The following GPR19 variants were observed in gnomAD, a reference collection of about 807,000 sequenced individuals.
GPR19 encodes the protein probable G protein-coupled receptor 19.
In GPR19, 14 loss-of-function variants were observed where a neutral mutation model predicts 28.5. That is an observed-to-expected ratio of 0.49 (90% CI 0.32 to 0.77). The LOEUF (loss-of-function observed/expected upper bound fraction) is 0.77, where lower values mean the gene tolerates loss of function less well. GPR19 is among the 30% of genes least tolerant of loss of function. The probability of loss-of-function intolerance (pLI) is 0.03; values close to 1 mark genes in which losing one functional copy is unlikely to be tolerated. For missense variants in GPR19, 409 were observed against 504.1 expected (o/e 0.81, Z 1.81); for synonymous variants, 173 against 184.1 (o/e 0.94, Z 0.49).
chr12:12,703,586 CTTCTTACTGTACTTCCTAG>C, the GPR19 span: 7 of 174,964 alleles, frequency 4.0e-5, no homozygotes, highest in Admixed American at 4.6e-4. Flanking sequence ...TGTCTGTTTT[CTTCTTACTGTACTTCCTAG>C]TTCTTACTGT....
chr12:12,679,882 T>A lies in GPR19; in HGVS notation c.-23+4469A>T, dbSNP rs544844395. Among the ~76,000 whole-genome samples, 5 of 152,228 alleles carry A rather than the reference T, an allele frequency of 3.3e-5. No individual in the cohort carries two copies. In the East Asian group the frequency reaches 9.6e-4, roughly 29 times the overall value. ...TCTTCAACAATAAAATTAGAATAAA[T>A]AATAACAATACTCACTTTATTGATT... On this transcript the variant is annotated intron_variant, in intron 3 of 3. Coordinates refer to ENST00000651487, the MANE Select transcript of GPR19 (RefSeq NM_006143.3).
At chr12:12,709,594 C>CT in the GPR19 span, among the ~76,000 whole-genome samples, 8 of 152,210 alleles carry the variant, frequency 5.3e-5, no homozygotes, top group South Asian at 1.7e-3. Flanking sequence ...CACATGCCAC[C>CT]ACACCTGGTT....
intron 3 of GPR19, among the ~76,000 whole-genome samples, chr12:12,672,212 T>C (rs1346167846): frequency 6.6e-6 from 1 of 152,184 alleles, no homozygotes; most frequent in Admixed American, 6.5e-5. Context: ...CCTAATTCCT[T>C]GTAAACAATG....
upstream of GPR19, among the ~76,000 whole-genome samples, chr12:12,698,788 T>C (rs911373153): frequency 1.3e-5 from 2 of 151,888 alleles, no homozygotes; most frequent in African/African-American, 2.4e-5. Flanking sequence ...TTTTTTGTAT[T>C]TTTAGTACAG....
At chr12:12,690,462 G>A (rs561232154) in intron 2 of GPR19, among the ~76,000 whole-genome samples, 7 of 152,286 alleles carry the variant, frequency 4.6e-5, no homozygotes, top group Admixed American at 3.3e-4. Flanking sequence ...GCAGCCAGAC[G>A]TTAGATTAGA....
the GPR19 span, among the ~76,000 whole-genome samples, chr12:12,702,411 CTG>C: frequency 6.6e-6 from 1 of 152,110 alleles, no homozygotes; most frequent in African/African-American, 2.4e-5. Flanking sequence ...ACAGAATACT[CTG>C]TAAAATAGTG....
intron 2 of GPR19, among the ~76,000 whole-genome samples, chr12:12,692,970 C>T (rs933869205): frequency 6.6e-6 from 1 of 152,214 alleles, no homozygotes; most frequent in Non-Finnish European, 1.5e-5. Context: ...CAGGTAACTT[C>T]ATGTGGCAAA....
At chr12:12,669,891 A>T (rs1445987783) in intron 3 of GPR19, among the ~76,000 whole-genome samples, 1 of 152,102 alleles carries the variant, frequency 6.6e-6, no homozygotes, top group Non-Finnish European at 1.5e-5. Context: ...ACTCTGGTGT[A>T]TGTGTGCTTG....
At position 12,661,509 on chromosome 12, in the gene GPR19, C is replaced by T; in HGVS notation, c.940G>A (p.Ala314Thr). ...GAACTAAAGGATATCCATGTGATAG[C>T]TGTGAAAACAAGGGAACTTTTCTTA... is the stretch of plus-strand genomic sequence containing the variant. ...DYKKSSLVFTAITWISFSSSA... is the reference protein window; with the variant it reads ...DYKKSSLVFTTITWISFSSSA... The change falls in exon 4 of 4, where the codon GCT becomes ACT. Residue 314 changes from alanine (A) to threonine (T), a missense_variant. Physicochemically the swap from Ala to Thr is moderately conservative, Grantham distance 58 (BLOSUM62 0). Transcript: ENST00000651487. This position sits in a 1 kb window ranked among gnomAD's most constrained non-coding sequence, Gnocchi z 4.2. 1 of 1,613,348 alleles carries T rather than the reference C, an allele frequency of 6.2e-7. No homozygotes were observed. The highest frequency in any genetic ancestry group is 2.2e-5 in the East Asian group (1 of 44,870).
upstream of GPR19, among the ~76,000 whole-genome samples, chr12:12,697,152 G>GGAAAAAAAAAAA (rs1565413527): frequency 1.9e-4 from 1 of 5,262 alleles, no homozygotes; most frequent in Non-Finnish European, 5.7e-4. Context: ...TTGAAGCGAA[G>GGAAAAAAAAAAA]TAAAAAAAAA....
chr12:12,694,720 C>T (rs905520746), intron 2 of GPR19, among the ~76,000 whole-genome samples: 2 of 152,156 alleles, frequency 1.3e-5, no homozygotes, highest in African/African-American at 2.4e-5. Context: ...GACTGGCAGA[C>T]CCTAAAGTCA....
At position 12,660,962 on chromosome 12, in the gene GPR19, G is replaced by A; in HGVS notation, c.*239C>T. ...AGAAAGCATTTTCTTTTTTATGCAT[G>A]TAACTAATATATTAATAGTAAAAGG... is the stretch of plus-strand genomic sequence containing the variant. On this transcript the variant is annotated 3_prime_UTR_variant, in exon 4 of 4. Coordinates refer to ENST00000651487, the MANE Select transcript of GPR19 (RefSeq NM_006143.3). 1 of 390,206 alleles carries A rather than the reference G, an allele frequency of 2.6e-6. No homozygotes were observed. Among genetic ancestry groups the A allele is most frequent in the Non-Finnish European group, 4.5e-6 (1 of 220,744 alleles). 24.2% of individuals were successfully genotyped at this position (390,206 alleles called of 1,614,324 possible).
Position 12,661,968 on chromosome 12 carries a change from T to C in GPR19, c.481A>G (p.Ile161Val), listed in dbSNP as rs1342363774. ...VQIYVLLSICIDRFYTIVYPL... is the reference protein window; with the variant it reads ...VQIYVLLSICVDRFYTIVYPL... ...TAGACGATGGTGTAGAACCGGTCTA[T>C]GCAGATGGAGAGGAGAACGTAGATC... is the stretch of plus-strand genomic sequence containing the variant. Residue 161 changes from isoleucine (I) to valine (V), a missense_variant, in exon 4 of 4, where the codon ATA (isoleucine) becomes GTA (valine). Transcript: ENST00000651487. This position sits in a 1 kb window ranked among gnomAD's most constrained non-coding sequence, Gnocchi z 4.2. 4 of 1,613,994 alleles carry C rather than the reference T, an allele frequency of 2.5e-6. No homozygotes were observed. The highest frequency in any genetic ancestry group is 3.4e-6 in the Non-Finnish European group (4 of 1,180,028).
chr12:12,679,927 A>G (rs1404354656), intron 3 of GPR19, among the ~76,000 whole-genome samples: 1 of 152,242 alleles, frequency 6.6e-6, no homozygotes, highest in African/African-American at 2.4e-5. Context: ...AATAAAATAA[A>G]TTACACAAGA....
At chr12:12,704,801 C>T in the GPR19 span, among the ~76,000 whole-genome samples, 2 of 152,082 alleles carry the variant, frequency 1.3e-5, no homozygotes, top group African/African-American at 2.4e-5. Flanking sequence ...ATGAATGTTC[C>T]GAATTGGGGG....
At chr12:12,715,630 G>A in the GPR19 span, 1 of 152,358 alleles carries the variant, frequency 6.6e-6, no homozygotes, top group African/African-American at 2.4e-5. Context: ...AGGACCTGCA[G>A]ACTACAGCAC....
chr12:12,661,831 C>G lies in GPR19; in HGVS notation c.618G>C (p.Trp206Cys), dbSNP rs1945678716. 1 of 1,613,894 alleles carries G rather than the reference C, an allele frequency of 6.2e-7. No individual in the cohort carries two copies. The highest frequency in any genetic ancestry group is 8.5e-7 in the Non-Finnish European group (1 of 1,179,998). Residue 206 changes from tryptophan to cysteine, a missense_variant, in exon 4 of 4, where the codon TGG becomes TGC. Trp to Cys is a radical substitution (Grantham distance 215). Coordinates refer to ENST00000651487, the MANE Select transcript of GPR19 (RefSeq NM_006143.3). The surrounding 1 kb of genome is among the most constrained non-coding windows in gnomAD (Gnocchi z 4.2). ...TPVLFFYGSN[W>C]DSHCNYFLPS... ...GGAGGAAATAGTTACAATGACTGTC[C>G]CAGTTGGAGCCATAGAAAAAGAGCA... is the stretch of plus-strand genomic sequence containing the variant.
rs114111670 is a variant in GPR19 at position 12,682,702 on chromosome 12, A to G, written c.-23+1649T>C. The stretch of plus-strand genomic sequence containing the variant: ...CAATTACGTCTTAAAGTACTGCGCA[A>G]TGAAACCCTGAAGGGAACTGGTAAC... On this transcript the variant is annotated intron_variant, in intron 3 of 3. Coordinates refer to ENST00000651487, the MANE Select transcript of GPR19 (RefSeq NM_006143.3). 4.5e-3 allele frequency among the ~76,000 whole-genome samples: 689 copies of G among 152,334 alleles called. 8 individuals carry two copies. Among genetic ancestry groups the G allele is most frequent in the African/African-American group, 0.016 (657 of 41,584 alleles).
chr12:12,717,063 GC>G, the GPR19 span: 1 of 1,007,872 alleles, frequency 9.9e-7, no homozygotes, highest in African/African-American at 1.7e-5. Context: ...GCAGCGCCGG[GC>G]CCCGAACCTC....
Sources: gnomAD v4.1 joint callset for allele counts (sites outside exome capture counted in the v4.1 genomes callset) on GRCh38, gnomAD v4.1.1 for gene constraint, Gnocchi (gnomAD v3.1) non-coding constraint, MANE v1.5 for transcripts, NCBI Gene and HGNC (gene_info 2026-07-23, HGNC 2026-07-21) for gene names.